Variants in WDFY2 observed in about 807,000 individuals in gnomAD.
The protein encoded by WDFY2 is WD repeat and FYVE domain-containing protein 2.
WDFY2 carries 36 observed loss-of-function variants against 56.4 expected under a neutral mutation model. The observed-to-expected ratio is 0.64, with a 90% CI of 0.49 to 0.84. The LOEUF is 0.84. Among genes scored for constraint, WDFY2 ranks in the 40% least tolerant of loss-of-function variants. The pLI is 0.00. For synonymous variants in WDFY2, 176 were observed against 183.7 expected, an observed-to-expected ratio of 0.96 and a Z score of 0.34; for missense variants, 444 against 512.2, an observed-to-expected ratio of 0.87 and a Z score of 1.29.
chr13:51,616,058 A>G (rs1330373804), intron 1 of WDFY2, among the ~76,000 whole-genome samples: 1 of 152,228 alleles, frequency 6.6e-6, no homozygotes, highest in African/African-American at 2.4e-5. Flanking sequence ...AGCCTAATCA[A>G]CATAGTGAGA....
rs1295654560 is a variant in WDFY2 at position 51,640,042 on chromosome 13, C to T, written c.138-20554C>T. 2.9e-4 allele frequency among the ~76,000 whole-genome samples: 44 copies of T among 152,128 alleles called. 1 individual carries two copies. Among genetic ancestry groups the T allele is most frequent in the Admixed American group, 2.9e-3 (44 of 15,278 alleles). On this transcript the variant is annotated intron_variant, in intron 1 of 11. Coordinates refer to ENST00000298125, the MANE Select transcript of WDFY2 (RefSeq NM_052950.4). ...CAAATCTTTAAAAGCACAATTTATT[C>T]AAGGTGGTTCATTCATTTTAGAAGC...
chr13:51,678,284 T>C (rs982087696), intron 3 of WDFY2, among the ~76,000 whole-genome samples: 1 of 152,200 alleles, frequency 6.6e-6, no homozygotes, highest in African/African-American at 2.4e-5. Context: ...GCCAGTCCTT[T>C]ATTCATCTCT....
At chr13:51,592,868 T>C (rs948811688) in intron 1 of WDFY2, among the ~76,000 whole-genome samples, 3 of 152,186 alleles carry the variant, frequency 2.0e-5, no homozygotes, top group African/African-American at 4.8e-5. Flanking sequence ...ACACCTATAA[T>C]CTCAGCACTT....
rs934468218 is a variant in WDFY2, at chr13:51,764,071, C to T, written c.*4302C>T. On this transcript the variant is annotated 3_prime_UTR_variant, in exon 12 of 12. Coordinates refer to ENST00000298125, the MANE Select transcript of WDFY2 (RefSeq NM_052950.4). ...AAATAATATTGAATTTTTCCTGGTA[C>T]GAAGACAGATATTTATTAACTTGAT... The T allele has an allele frequency of 1.2e-4, 18 of 152,162 alleles. No homozygotes were observed. The highest frequency in any genetic ancestry group is 3.9e-4 in the Admixed American group (6 of 15,296). 9.4% of individuals were successfully genotyped at this position (152,162 alleles called of 1,614,324 possible). A position where few individuals can be genotyped will look rare whatever the true frequency, so the allele number is the denominator to read the frequency against.
At chr13:51,642,816 G>A (rs1306394957) in intron 1 of WDFY2, among the ~76,000 whole-genome samples, 3 of 151,794 alleles carry the variant, frequency 2.0e-5, no homozygotes, top group Non-Finnish European at 4.4e-5. Context: ...GAGTAGCTGG[G>A]ACTACAAGTG....
At position 51,756,461 on chromosome 13, in the gene WDFY2, G is replaced by T; in HGVS notation, c.1063G>T (p.Glu355Ter). The change falls in exon 10 of 12, where the codon GAA (glutamate) becomes TAA (stop). Residue 355 changes from glutamate (E) to a stop codon, truncating the protein, a stop_gained and splice_region_variant. Transcript: ENST00000298125. LOFTEE classifies it high-confidence loss of function. ...DSCHEAITDE[E>*]RAPTATFHDS... ...CTGCCACGAGGCCATCACAGATGAA[G>T]AGTAAGTTCCTGCAGCCTGCAGACC... The T allele has an allele frequency of 6.2e-7, 1 of 1,613,542 alleles. No individual in the cohort carries two copies. Among genetic ancestry groups the T allele is most frequent in the South Asian group, 1.1e-5 (1 of 91,002 alleles).
intron 6 of WDFY2, among the ~76,000 whole-genome samples, chr13:51,737,385 T>G (rs1952861311): frequency 6.6e-6 from 1 of 151,990 alleles, no homozygotes. Flanking sequence ...ATTTCTTTCA[T>G]ATTCTTACTC....
At chr13:51,628,615 C>G (rs951183243) in intron 1 of WDFY2, among the ~76,000 whole-genome samples, 3 of 152,222 alleles carry the variant, frequency 2.0e-5, no homozygotes, top group African/African-American at 7.2e-5. Context: ...TAGCGGCACC[C>G]CCCCTGCTGC....
chr13:51,719,397 C>T, intron 5 of WDFY2, 49 bp downstream of exon 5: 1 of 1,507,886 alleles, frequency 6.6e-7, no homozygotes, highest in Non-Finnish European at 8.9e-7. Context: ...AACTGTTGTT[C>T]TCTTTGATTC....
Position 51,682,911 on chromosome 13 carries a change from C to G in WDFY2, c.279+7668C>G, listed in dbSNP as rs151168269. On this transcript the variant is annotated intron_variant, in intron 3 of 11. Transcript: ENST00000298125. ...TGGCATATTCCTTAGGACTATTCAA[C>G]TTATTTCTGGTCCCATCTTTAGTCT... 2.0e-5 allele frequency among the ~76,000 whole-genome samples: 3 copies of G among 152,276 alleles called. No individual in the cohort carries two copies. In the East Asian group the frequency reaches 5.8e-4, roughly 29 times the overall value.
rs748116831 is a variant in WDFY2, at chr13:51,751,395, A to G, written c.811A>G (p.Met271Val). 9.9e-6 allele frequency: 16 copies of G among 1,614,048 alleles called. 1 individual carries two copies. The highest frequency in any genetic ancestry group is 6.7e-5 in the Admixed American group (4 of 60,022). The part of the protein sequence containing the change: ...GGDGGIVVWN[M>V]DVERQETPEW... Reference sequence around the variant, plus strand: ...TGATGGTGGGATTGTCGTCTGGAACATGGACGTGGAGAGGCAGGAGGTAGG... The same window carrying G: ...TGATGGTGGGATTGTCGTCTGGAACGTGGACGTGGAGAGGCAGGAGGTAGG... The change falls in exon 8 of 12, where the codon ATG becomes GTG. Residue 271 changes from methionine (M) to valine (V), a missense_variant. Coordinates refer to ENST00000298125, the MANE Select transcript of WDFY2 (RefSeq NM_052950.4).
At chr13:51,750,318 A>T (rs1022413375) in intron 7 of WDFY2, among the ~76,000 whole-genome samples, 2 of 152,218 alleles carry the variant, frequency 1.3e-5, no homozygotes, top group African/African-American at 4.8e-5. Flanking sequence ...ACCCTCTGGA[A>T]ATAGGAAAGC....
intron 3 of WDFY2, among the ~76,000 whole-genome samples, chr13:51,686,147 G>T (rs1956059803): frequency 6.6e-6 from 1 of 152,164 alleles, no homozygotes; most frequent in African/African-American, 2.4e-5. Flanking sequence ...TGGGGTTGAG[G>T]TATGAACTTT....
At position 51,742,018 on chromosome 13, in the gene WDFY2, A is replaced by C. The variant is rs552987868; in HGVS notation, c.725+2843A>C. Reference sequence around the variant, plus strand: ...CTGGTTAAAGTGACTGATGGTGGCCATAGTTCCAAATTAGGGGCATAATTG... The same window carrying C: ...CTGGTTAAAGTGACTGATGGTGGCCCTAGTTCCAAATTAGGGGCATAATTG... On this transcript the variant is annotated intron_variant, in intron 7 of 11. Coordinates refer to ENST00000298125, the MANE Select transcript of WDFY2 (RefSeq NM_052950.4). 2.0e-4 allele frequency among the ~76,000 whole-genome samples: 31 copies of C among 152,306 alleles called. No homozygotes were observed. In the South Asian group the frequency reaches 5.8e-3, roughly 28 times the overall value.
intron 1 of WDFY2, among the ~76,000 whole-genome samples, chr13:51,635,378 C>T (rs1360835759): frequency 6.6e-6 from 1 of 152,210 alleles, no homozygotes. Flanking sequence ...TGTATTTTGT[C>T]TCTGTACCTT....
In WDFY2 at chr13:51,621,945, T is replaced by C. The variant is rs1373938065; in HGVS notation, c.137+37121T>C. ...TTAAAAATCACAGCTCCATCCTTTT[T>C]TCTTAAATTTTTTTAAGCTTTTTTT... On this transcript the variant is annotated intron_variant, in intron 1 of 11. Transcript: ENST00000298125. 2.6e-5 allele frequency among the ~76,000 whole-genome samples: 4 copies of C among 152,248 alleles called. No homozygotes were observed. The East Asian group carries it at 7.7e-4, about 29-fold the overall frequency.
chr13:51,703,322 G>A lies in WDFY2; in HGVS notation c.280-274G>A, dbSNP rs183014623. ...ATATTTTGAATTAGGTTTATCTTCA[G>A]AATCGACCGGTATCAAGATGCTGAA... On this transcript the variant is annotated intron_variant, in intron 3 of 11. Coordinates refer to ENST00000298125, the MANE Select transcript of WDFY2 (RefSeq NM_052950.4). Among the ~76,000 whole-genome samples, 752 of 152,324 alleles carry A rather than the reference G, an allele frequency of 4.9e-3. 5 individuals carry two copies. The highest frequency in any genetic ancestry group is 0.014 in the African/African-American group (592 of 41,570).
chr13:51,588,024 CA>C (rs1457260641), intron 1 of WDFY2: 1 of 152,210 alleles, frequency 6.6e-6, no homozygotes, highest in Non-Finnish European at 1.5e-5. Flanking sequence ...ATCTGATTTA[CA>C]AATAAAGATT....
intron 6 of WDFY2, among the ~76,000 whole-genome samples, chr13:51,731,146 G>C (rs773853591): frequency 1.8e-4 from 27 of 152,196 alleles, no homozygotes; most frequent in Non-Finnish European, 3.5e-4. Flanking sequence ...CGCAGGCCTG[G>C]TGATGGACCT....
Sources: allele counts gnomAD v4.1 joint callset (sites outside exome capture counted in the v4.1 genomes callset), GRCh38; gene constraint gnomAD v4.1.1; transcripts MANE v1.5; gene names NCBI Gene and HGNC (gene_info 2026-07-23, HGNC 2026-07-21).